Variants in COPS3 observed in about 807,000 individuals in gnomAD.
COPS3 encodes the protein COP9 signalosome subunit 3.
A neutral mutation model predicts 58.2 loss-of-function variants in COPS3; 10 were observed. The observed-to-expected ratio is 0.17, with a 90% CI of 0.11 to 0.29. The LOEUF is 0.29. Among genes scored for constraint, COPS3 ranks in the 10% least tolerant of loss-of-function variants. The pLI, the probability that COPS3 is intolerant of heterozygous loss-of-function variation, is 1.00. For synonymous variants in COPS3, 187 were observed against 181.7 expected, an observed-to-expected ratio of 1.03 and a Z score of -0.24; for missense variants, 333 against 510.1, an observed-to-expected ratio of 0.65 and a Z score of 3.34.
At chr17:17,254,522 A>C (rs924930685) in intron 9 of COPS3, among the ~76,000 whole-genome samples, 1 of 152,232 alleles carries the variant, frequency 6.6e-6, no homozygotes, top group Non-Finnish European at 1.5e-5. Flanking sequence ...CAAAAAAATG[A>C]AAATCAAGGC....
Position 17,281,202 on chromosome 17 carries a change from G to C in COPS3, c.-16C>G, listed in dbSNP as rs1004419044. 1 of 1,607,100 alleles carries C rather than the reference G, an allele frequency of 6.2e-7. No homozygotes were observed. Among genetic ancestry groups the C allele is most frequent in the East Asian group, 2.2e-5 (1 of 44,690 alleles). On this transcript the variant is annotated 5_prime_UTR_variant, in exon 1 of 12. Transcript: ENST00000268717. ...CAGACGCCATGTTTTCCCCCGGGCG[G>C]CCCGAGCGGCGAAGGCAGCACGCGC...
chr17:17,265,039 G>T, intron 5 of COPS3, 58 bp from the exon 6 acceptor site: 2 of 1,460,006 alleles, frequency 1.4e-6, no homozygotes, highest in Non-Finnish European at 9.3e-7. Context: ...GGTATTAGCA[G>T]AAGGAGAAAA....
At chr17:17,272,235 C>G (rs1313290058) in intron 2 of COPS3, among the ~76,000 whole-genome samples, 1 of 152,082 alleles carries the variant, frequency 6.6e-6, no homozygotes, top group Non-Finnish European at 1.5e-5. Flanking sequence ...CCAGCCTGAC[C>G]AATCGGGTGA....
Position 17,260,422 on chromosome 17 carries a change from G to A in COPS3, c.815C>T (p.Pro272Leu). Reference sequence around the variant, plus strand: ...ATTCACCAGGTTTCGGAGTTCTGAGGGGTTGTTGGTTGAATACACTTGTGC... The same window carrying A: ...ATTCACCAGGTTTCGGAGTTCTGAGAGGTTGTTGGTTGAATACACTTGTGC... Reference protein sequence around the residue: ...ELAQVYSTNNPSELRNLVNKH... With the variant: ...ELAQVYSTNNLSELRNLVNKH... The change falls in exon 8 of 12, where the codon CCC becomes CTC. Residue 272 changes from proline to leucine, a missense_variant. Coordinates refer to ENST00000268717, the MANE Select transcript of COPS3 (RefSeq NM_003653.4). 6.2e-7 allele frequency: 1 copy of A among 1,614,168 alleles called. No individual in the cohort carries two copies. Among genetic ancestry groups the A allele is most frequent in the Non-Finnish European group, 8.5e-7 (1 of 1,180,028 alleles).
chr17:17,280,861 G>T (rs763272118), intron 1 of COPS3: 57 of 1,142,034 alleles, frequency 5.0e-5, no homozygotes, highest in Admixed American at 9.5e-5. Flanking sequence ...CAAGCAAAGC[G>T]CCCGGTGGAA....
chr17:17,270,669 T>C (rs1206120775), intron 4 of COPS3, 89 bp downstream of exon 4: 1 of 1,178,564 alleles, frequency 8.5e-7, no homozygotes, highest in Non-Finnish European at 1.2e-6. Flanking sequence ...GGATGCTCAG[T>C]ACTAACTGGA....
chr17:17,280,927 C>T, intron 1 of COPS3: 2 of 876,844 alleles, frequency 2.3e-6, no homozygotes, highest in South Asian at 1.9e-5. Flanking sequence ...GGAGGCCGGC[C>T]GGCGAGGACA....
At chr17:17,271,745 G>A (rs1190418850) in intron 2 of COPS3, among the ~76,000 whole-genome samples, 3 of 148,922 alleles carry the variant, frequency 2.0e-5, no homozygotes, top group Non-Finnish European at 4.5e-5. Context: ...GCTTGAACCC[G>A]GGAGGTGGAG....
chr17:17,267,742 A>G (rs1330870631), intron 5 of COPS3, 143 bp downstream of exon 5: 1 of 656,008 alleles, frequency 1.5e-6, no homozygotes, highest in Non-Finnish European at 2.4e-6. Context: ...GCCTGAATGT[A>G]ATAGATGTAC....
intron 9 of COPS3, 73 bp downstream of exon 9, chr17:17,254,786 G>GT: frequency 1.1e-6 from 1 of 887,900 alleles, no homozygotes; most frequent in Non-Finnish European, 1.6e-6. Flanking sequence ...CTCCAGCCTG[G>GT]TGACAGAGCG....
intron 4 of COPS3, among the ~76,000 whole-genome samples, chr17:17,269,756 A>G (rs1248663046): frequency 6.6e-6 from 1 of 152,244 alleles, no homozygotes; most frequent in African/African-American, 2.4e-5. Context: ...TATATAATAT[A>G]TAGTACACTG....
At chr17:17,267,319 C>CT (rs1482286499) in intron 5 of COPS3, among the ~76,000 whole-genome samples, 1 of 134,244 alleles carries the variant, frequency 7.4e-6, no homozygotes, top group African/African-American at 2.8e-5. Context: ...CAGAGCAAGA[C>CT]TCCGTCTCAA....
At position 17,255,554 on chromosome 17, in the gene COPS3, G is replaced by C. The variant is rs1567848775; in HGVS notation, c.937-609C>G. On this transcript the variant is annotated intron_variant, in intron 8 of 11. Coordinates refer to ENST00000268717, the MANE Select transcript of COPS3 (RefSeq NM_003653.4). The stretch of plus-strand genomic sequence containing the variant: ...AGATTTGTGTAGATGACTTAAAACT[G>C]ATGGGCGAGGGGTGGTGGCTCACAC... Among the ~76,000 whole-genome samples the C allele has an allele frequency of 2.7e-5, 4 of 150,618 alleles. No individual in the cohort carries two copies. The South Asian group carries it at 8.4e-4, about 32-fold the overall frequency.
chr17:17,272,446 A>C (rs1471643914), intron 2 of COPS3, among the ~76,000 whole-genome samples: 2 of 152,118 alleles, frequency 1.3e-5, no homozygotes, highest in Non-Finnish European at 2.9e-5. Flanking sequence ...CTTTATGTTT[A>C]TACAAATCCT....
At chr17:17,263,505 C>CTTTTT (rs1400982096) in intron 6 of COPS3, among the ~76,000 whole-genome samples, 43 of 108,492 alleles carry the variant, frequency 4.0e-4, no homozygotes, top group East Asian at 6.5e-4. Flanking sequence ...AGCCTCTTGC[C>CTTTTT]TTTTCTTTTT....
chr17:17,259,637 G>C (rs933033256), intron 8 of COPS3, among the ~76,000 whole-genome samples: 15 of 152,164 alleles, frequency 9.9e-5, no homozygotes, highest in African/African-American at 3.6e-4. Context: ...GTTCATGTCT[G>C]TAATCCCAGC....
intron 2 of COPS3, among the ~76,000 whole-genome samples, chr17:17,271,865 TAC>T (rs1289545029): frequency 1.0e-4 from 13 of 126,784 alleles, no homozygotes; most frequent in East Asian, 2.2e-4. Flanking sequence ...TATACACACA[TAC>T]ACACACATAT....
chr17:17,267,327 C>CAAAAAAAAA (rs778325363), intron 5 of COPS3, among the ~76,000 whole-genome samples: 5 of 50,378 alleles, frequency 9.9e-5, no homozygotes, highest in Non-Finnish European at 1.5e-4. Context: ...GACTCCGTCT[C>CAAAAAAAAA]AAAAAAAAAA....
intron 2 of COPS3, among the ~76,000 whole-genome samples, chr17:17,272,244 G>A (rs978450578): frequency 6.6e-6 from 1 of 152,046 alleles, no homozygotes; most frequent in African/African-American, 2.4e-5. Flanking sequence ...CCAATCGGGT[G>A]AAACCCCATC....
Sources: gnomAD v4.1 joint callset for allele counts (sites outside exome capture counted in the v4.1 genomes callset) on GRCh38, gnomAD v4.1.1 for gene constraint, MANE v1.5 for transcripts, NCBI Gene and HGNC (gene_info 2026-07-23, HGNC 2026-07-21) for gene names.